The following RAB10 variants were observed in gnomAD, a reference collection of about 807,000 sequenced individuals.
RAB10 encodes the protein RAB10, member RAS oncogene family.
In RAB10, 5 loss-of-function variants were observed where a neutral mutation model predicts 25.7. The observed-to-expected ratio is 0.19, with a 90% CI of 0.10 to 0.41. The LOEUF is 0.41. Among genes scored for constraint, RAB10 ranks in the 10% least tolerant of loss-of-function variants. The pLI is 1.00. For missense variants in RAB10, 103 were observed against 245.8 expected (o/e 0.42, Z 3.89); for synonymous variants, 89 against 86.4 (o/e 1.03, Z -0.16).
intron 1 of RAB10, among the ~76,000 whole-genome samples, chr2:26,082,178 T>C (rs1666883157): frequency 6.6e-6 from 1 of 152,124 alleles, no homozygotes; most frequent in African/African-American, 2.4e-5. Flanking sequence ...AAAACAATAA[T>C]AGCCCAATGA....
At chr2:26,063,250 C>G (rs1210594975) in intron 1 of RAB10, among the ~76,000 whole-genome samples, 1 of 152,076 alleles carries the variant, frequency 6.6e-6, no homozygotes, top group Non-Finnish European at 1.5e-5. Flanking sequence ...TTGGACAGAT[C>G]GTCTGGGAGA....
At chr2:26,112,304 C>T (rs919593554) in intron 3 of RAB10, among the ~76,000 whole-genome samples, 3 of 152,132 alleles carry the variant, frequency 2.0e-5, no homozygotes, top group Non-Finnish European at 2.9e-5. Flanking sequence ...GGAAGTGGGA[C>T]TGAAATTTCC....
intron 1 of RAB10, among the ~76,000 whole-genome samples, chr2:26,066,691 C>T (rs995447472): frequency 6.6e-5 from 10 of 151,984 alleles, no homozygotes; most frequent in African/African-American, 1.7e-4. Flanking sequence ...TACCTCCCAC[C>T]GGGTCCTTCC....
chr2:26,050,163 G>C (rs1355473853), intron 1 of RAB10, among the ~76,000 whole-genome samples: 1 of 152,150 alleles, frequency 6.6e-6, no homozygotes, highest in Admixed American at 6.6e-5. Flanking sequence ...TGCTAAAAGG[G>C]TACATGGTAA....
At chr2:26,095,403 C>G (rs1024522490) in intron 1 of RAB10, among the ~76,000 whole-genome samples, 5 of 152,042 alleles carry the variant, frequency 3.3e-5, no homozygotes, top group African/African-American at 4.8e-5. Flanking sequence ...ATCAGGAGAT[C>G]GAGACCATCC....
chr2:26,122,425 G>A (rs980488778), intron 3 of RAB10, among the ~76,000 whole-genome samples: 2 of 152,136 alleles, frequency 1.3e-5, no homozygotes, highest in Non-Finnish European at 1.5e-5. Flanking sequence ...TCAGGAGATC[G>A]AGACCATCCT....
intron 5 of RAB10, among the ~76,000 whole-genome samples, chr2:26,132,736 T>C (rs1248215943): frequency 1.3e-5 from 2 of 150,362 alleles, no homozygotes; most frequent in Admixed American, 6.7e-5. Context: ...ATTTTGGCTG[T>C]AAAAGATTTT....
intron 1 of RAB10, among the ~76,000 whole-genome samples, chr2:26,044,175 A>G (rs568141094): frequency 1.3e-5 from 2 of 152,314 alleles, no homozygotes; most frequent in East Asian, 3.9e-4. Flanking sequence ...TAAATGGTAA[A>G]TGTTTTAGAT....
chr2:26,052,349 A>G (rs1242388657), intron 1 of RAB10, among the ~76,000 whole-genome samples: 4 of 151,152 alleles, frequency 2.6e-5, no homozygotes, highest in East Asian at 2.0e-4. Context: ...TCACGCCACT[A>G]TTCTCCAGCC....
At chr2:26,095,593 C>T (rs898069430) in intron 1 of RAB10, among the ~76,000 whole-genome samples, 2 of 150,714 alleles carry the variant, frequency 1.3e-5, no homozygotes, top group African/African-American at 2.4e-5. Flanking sequence ...GGCGACAGAG[C>T]GAGACTCCGT....
intron 1 of RAB10, among the ~76,000 whole-genome samples, chr2:26,043,120 T>C (rs1665927441): frequency 6.6e-6 from 1 of 152,112 alleles, no homozygotes; most frequent in Non-Finnish European, 1.5e-5. Flanking sequence ...ATATCCAGGA[T>C]AATTTAAATC....
At chr2:26,062,690 A>ATAAG (rs1463130717) in intron 1 of RAB10, among the ~76,000 whole-genome samples, 6 of 151,842 alleles carry the variant, frequency 4.0e-5, no homozygotes, top group Non-Finnish European at 7.4e-5. Context: ...AAATAAATAA[A>ATAAG]TAAATAAATA....
chr2:26,057,620 T>TTTCTTTCATTCATTCATTCATTCA (rs146580967), intron 1 of RAB10, among the ~76,000 whole-genome samples: 2,922 of 149,178 alleles, frequency 0.02, 99 homozygotes, highest in African/African-American at 0.068. Context: ...GGCAAGTTTC[T>TTTCTTTCATTCATTCATTCATTCA]TTCATTCATT....
chr2:26,089,384 C>T (rs1667056220), intron 1 of RAB10, among the ~76,000 whole-genome samples: 1 of 149,104 alleles, frequency 6.7e-6, no homozygotes, highest in South Asian at 2.1e-4. Flanking sequence ...GATTGCGCTG[C>T]TGCACTCCAG....
chr2:26,077,903 C>T (rs946547921), intron 1 of RAB10, among the ~76,000 whole-genome samples: 16 of 152,074 alleles, frequency 1.1e-4, no homozygotes, highest in South Asian at 8.3e-4. Context: ...CACTTGGTCC[C>T]GGGAGGCGGG....
chr2:26,063,430 A>ATTT (rs5829995), intron 1 of RAB10, among the ~76,000 whole-genome samples: 6 of 150,552 alleles, frequency 4.0e-5, no homozygotes, highest in African/African-American at 1.5e-4. Context: ...TCTTTATGTG[A>ATTT]TTTTTTTTTT....
intron 1 of RAB10, among the ~76,000 whole-genome samples, chr2:26,060,756 T>C (rs1323001218): frequency 6.6e-6 from 1 of 152,206 alleles, no homozygotes; most frequent in African/African-American, 2.4e-5. Flanking sequence ...AACCATGTTC[T>C]TTCTATCACA....
intron 3 of RAB10, among the ~76,000 whole-genome samples, chr2:26,124,741 C>T (rs1334729656): frequency 6.6e-6 from 1 of 152,054 alleles, no homozygotes; most frequent in Admixed American, 6.5e-5. Context: ...TCAAGCTTTG[C>T]ATCCATTAAA....
chr2:26,083,399 C>T (rs534759859), intron 1 of RAB10, among the ~76,000 whole-genome samples: 1 of 135,204 alleles, frequency 7.4e-6, no homozygotes, highest in African/African-American at 2.7e-5. Context: ...TCTCTCCCCT[C>T]CCCTCCCTTC....
Sources: allele counts gnomAD v4.1 joint callset (sites outside exome capture counted in the v4.1 genomes callset), GRCh38; gene constraint gnomAD v4.1.1; transcripts MANE v1.5; gene names NCBI Gene and HGNC (gene_info 2026-07-23, HGNC 2026-07-21).